Variants in ZNF148 observed in about 807,000 individuals in gnomAD.
ZNF148 encodes zinc finger protein 148.
In ZNF148, 7 loss-of-function variants were observed where a neutral mutation model predicts 67.7. The ratio of observed to expected loss-of-function variants is 0.10; its 90% CI spans 0.06 to 0.19. The LOEUF (loss-of-function observed/expected upper bound fraction) is 0.19, where lower values mean the gene tolerates loss of function less well. ZNF148 is among the 10% of genes least tolerant of loss of function. The pLI, the probability that ZNF148 is intolerant of heterozygous loss-of-function variation, is 1.00. For missense variants in ZNF148, 583 were observed against 947.1 expected (o/e 0.62, Z 5.05); for synonymous variants, 333 against 330.7 (o/e 1.01, Z -0.08).
intron 1 of ZNF148, among the ~76,000 whole-genome samples, chr3:125,358,051 C>T (rs1037478575): frequency 2.0e-5 from 3 of 152,186 alleles, no homozygotes; most frequent in African/African-American, 7.2e-5. Flanking sequence ...GGGACTCAGG[C>T]CTGTAATCCC....
intron 7 of ZNF148, among the ~76,000 whole-genome samples, chr3:125,270,332 C>T (rs909307015): frequency 2.0e-5 from 3 of 149,688 alleles, no homozygotes; most frequent in African/African-American, 7.4e-5. Context: ...CATAGGGAGA[C>T]TCCATCTCTA....
At position 125,256,856 on chromosome 3, in the gene ZNF148, C is replaced by A. The variant is rs542493140; in HGVS notation, c.667+20870G>T. 1.2e-4 allele frequency among the ~76,000 whole-genome samples: 18 copies of A among 152,108 alleles called. No individual in the cohort carries two copies. The South Asian group carries it at 3.3e-3, about 28-fold the overall frequency. On this transcript the variant is annotated intron_variant, in intron 7 of 8. Coordinates refer to ENST00000360647, the MANE Select transcript of ZNF148 (RefSeq NM_021964.3). ...TTCATTTTCTCTGTGATATTTCCTACTGATGTCTTTCAATTCATTAATCTT... is the reference window on the plus strand; with the variant it reads ...TTCATTTTCTCTGTGATATTTCCTAATGATGTCTTTCAATTCATTAATCTT...
At chr3:125,296,144 CAG>C (rs1409957111) in intron 4 of ZNF148, among the ~76,000 whole-genome samples, 3 of 146,848 alleles carry the variant, frequency 2.0e-5, no homozygotes, top group Non-Finnish European at 4.5e-5. Flanking sequence ...TTTTTTAAGA[CAG>C]AGTCTCGCTC....
intron 7 of ZNF148, among the ~76,000 whole-genome samples, chr3:125,249,608 G>A (rs1936749263): frequency 6.6e-6 from 1 of 151,966 alleles, no homozygotes; most frequent in African/African-American, 2.4e-5. Flanking sequence ...AAACAGTATG[G>A]AGGTTCCTAA....
intron 7 of ZNF148, among the ~76,000 whole-genome samples, chr3:125,256,846 A>T (rs773202232): frequency 1.3e-5 from 2 of 152,008 alleles, no homozygotes; most frequent in South Asian, 4.2e-4. Context: ...TTTCTCTGTG[A>T]TATTTCCTAC....
At chr3:125,260,708 G>A (rs897025759) in intron 7 of ZNF148, among the ~76,000 whole-genome samples, 1 of 152,062 alleles carries the variant, frequency 6.6e-6, no homozygotes, top group Non-Finnish European at 1.5e-5. Flanking sequence ...CTGTCAACAC[G>A]CACAGAACTA....
chr3:125,329,266 G>C (rs1433186735), intron 2 of ZNF148, among the ~76,000 whole-genome samples: 6 of 145,774 alleles, frequency 4.1e-5, no homozygotes, highest in Non-Finnish European at 9.0e-5. Context: ...ATATACATAT[G>C]AATGTATATT....
Position 125,375,145 on chromosome 3 carries a change from G to GGCA in ZNF148, c.-280_-278dup, listed in dbSNP as rs1943026778. On this transcript the variant is annotated 5_prime_UTR_variant, in exon 1 of 9. Coordinates refer to ENST00000360647, the MANE Select transcript of ZNF148 (RefSeq NM_021964.3). ...CGCGCGGTCACCGACTGCAGGCGGC[G>GGCA]GCAGCTCCAACCTTTCTAGGGGCCT... is the stretch of plus-strand genomic sequence containing the variant. 1 of 152,010 alleles carries GGCA rather than the reference G, an allele frequency of 6.6e-6. No individual in the cohort carries two copies. Among genetic ancestry groups the GGCA allele is most frequent in the Non-Finnish European group, 1.5e-5 (1 of 68,068 alleles). The allele number at this position is 152,010 out of a possible 1,614,324, so 9.4% of individuals were successfully genotyped here.
chr3:125,232,013 T>A lies in ZNF148; in HGVS notation c.*328A>T. 4.8e-6 allele frequency: 1 copy of A among 206,452 alleles called. No individual in the cohort carries two copies. Among genetic ancestry groups the A allele is most frequent in the South Asian group, 1.3e-4 (1 of 7,814 alleles). 12.8% of individuals were successfully genotyped at this position (206,452 alleles called of 1,614,324 possible). ...AAATTTCACACAATTACTAATCTCC[T>A]AAGAATGTACAATGTTATCAGTTAG... On this transcript the variant is annotated 3_prime_UTR_variant, in exon 9 of 9. Transcript: ENST00000360647. This position sits in a 1 kb window ranked among gnomAD's most constrained non-coding sequence, Gnocchi z 4.2.
chr3:125,360,734 G>A (rs1263118941), intron 1 of ZNF148, among the ~76,000 whole-genome samples: 2 of 151,454 alleles, frequency 1.3e-5, no homozygotes, highest in Non-Finnish European at 2.9e-5. Flanking sequence ...TAAACAAACT[G>A]TTGGGAGGCC....
chr3:125,353,729 A>G (rs2107764194), intron 1 of ZNF148, among the ~76,000 whole-genome samples: 1 of 152,080 alleles, frequency 6.6e-6, no homozygotes, highest in African/African-American at 2.4e-5. Context: ...TGTAGGGATT[A>G]CAGGCATGAG....
intron 4 of ZNF148, chr3:125,310,752 T>C (rs1940163345): frequency 1.3e-5 from 2 of 152,158 alleles, no homozygotes; most frequent in African/African-American, 2.4e-5. Context: ...CGAACATGAG[T>C]TTCAGTTTCA....
At chr3:125,341,364 A>G (rs1049555575) in intron 1 of ZNF148, among the ~76,000 whole-genome samples, 39 of 151,834 alleles carry the variant, frequency 2.6e-4, no homozygotes, top group African/African-American at 9.2e-4. Flanking sequence ...CACACCTGTA[A>G]TTTCAGCACT....
At chr3:125,287,178 C>CA (rs779781260) in intron 5 of ZNF148, among the ~76,000 whole-genome samples, 1 of 152,020 alleles carries the variant, frequency 6.6e-6, no homozygotes, top group South Asian at 2.1e-4. Context: ...AAAAAGCCAT[C>CA]AAAAAAATCA....
intron 1 of ZNF148, among the ~76,000 whole-genome samples, chr3:125,358,325 G>GA (rs970845149): frequency 3.8e-4 from 55 of 146,584 alleles, no homozygotes; most frequent in Non-Finnish European, 5.1e-4. Flanking sequence ...AAAAGAAAAA[G>GA]AAAAAAAAAA....
chr3:125,296,400 G>A (rs1939288256), intron 4 of ZNF148, among the ~76,000 whole-genome samples: 1 of 152,198 alleles, frequency 6.6e-6, no homozygotes, highest in Non-Finnish European at 1.5e-5. Flanking sequence ...TGGGATTACA[G>A]GCGTGAGCCA....
intron 7 of ZNF148, among the ~76,000 whole-genome samples, chr3:125,261,623 A>C (rs984081947): frequency 6.6e-6 from 1 of 152,160 alleles, no homozygotes; most frequent in African/African-American, 2.4e-5. Context: ...TTGAAACCTA[A>C]GTACTAAACG....
intron 1 of ZNF148, among the ~76,000 whole-genome samples, chr3:125,345,492 CAAG>C (rs1030209755): frequency 1.7e-4 from 25 of 151,260 alleles, no homozygotes; most frequent in African/African-American, 5.6e-4. Flanking sequence ...GAAGCCAAAG[CAAG>C]AAGGAAGGAA....
At chr3:125,345,548 T>C (rs921242091) in intron 1 of ZNF148, among the ~76,000 whole-genome samples, 8 of 150,476 alleles carry the variant, frequency 5.3e-5, no homozygotes, top group East Asian at 1.9e-4. Context: ...AGAAAATCAA[T>C]TAAGCAAAAA....
Sources: allele counts gnomAD v4.1 joint callset (sites outside exome capture counted in the v4.1 genomes callset), GRCh38; gene constraint gnomAD v4.1.1; non-coding constraint Gnocchi (gnomAD v3.1); transcripts MANE v1.5; gene names NCBI Gene and HGNC (gene_info 2026-07-23, HGNC 2026-07-21).